The following TENM2 variants were observed in gnomAD, a reference collection of about 807,000 sequenced individuals.
TENM2 encodes teneurin-2.
In TENM2, 52 loss-of-function variants were observed where a neutral mutation model predicts 245.2. That is an observed-to-expected ratio of 0.21 (90% CI 0.17 to 0.27). The LOEUF is 0.27. Ranked by LOEUF, TENM2 falls within the 10% of genes least tolerant of loss-of-function variation. The probability of loss-of-function intolerance (pLI) is 1.00; values close to 1 mark genes in which losing one functional copy is unlikely to be tolerated. For missense variants in TENM2, 3,046 were observed against 3,666.8 expected, an observed-to-expected ratio of 0.83 and a Z score of 4.37; for synonymous variants, 1,363 against 1,438.9, an observed-to-expected ratio of 0.95 and a Z score of 1.19.
intron 7 of TENM2, among the ~76,000 whole-genome samples, chr5:168,078,343 G>A (rs1384969526): frequency 2.0e-5 from 3 of 152,156 alleles, no homozygotes; most frequent in Non-Finnish European, 1.5e-5. Context: ...TTTTTCAGAT[G>A]GGTAGACTGT....
At chr5:167,947,124 C>G (rs1464245744) in intron 3 of TENM2, among the ~76,000 whole-genome samples, 1 of 152,084 alleles carries the variant, frequency 6.6e-6, no homozygotes, top group East Asian at 1.9e-4. Context: ...CCAAATGCAG[C>G]CGCATGTTCA....
chr5:167,056,495 A>G, the TENM2 span, among the ~76,000 whole-genome samples: 1 of 146,292 alleles, frequency 6.8e-6, no homozygotes, highest in South Asian at 2.1e-4. Context: ...TTATACATAT[A>G]TATTTTAATA....
chr5:167,670,515 A>C (rs1399385208), intron 2 of TENM2, among the ~76,000 whole-genome samples: 1 of 151,160 alleles, frequency 6.6e-6, no homozygotes, highest in Non-Finnish European at 1.5e-5. Flanking sequence ...TTTTCTGTGC[A>C]CTGAAAGACC....
intron 28 of TENM2, among the ~76,000 whole-genome samples, chr5:168,260,618 T>C (rs564809749): frequency 1.3e-5 from 2 of 152,334 alleles, no homozygotes; most frequent in South Asian, 4.1e-4. Flanking sequence ...CCAACTTCGA[T>C]TATTGCCTTA....
At position 167,322,254 on chromosome 5, in the gene TENM2, T is replaced by C. The variant is rs992692174; in HGVS notation, c.226+37191T>C. 6.6e-5 allele frequency among the ~76,000 whole-genome samples: 10 copies of C among 152,262 alleles called. No homozygotes were observed. The East Asian group carries it at 1.9e-3, about 29-fold the overall frequency. On this transcript the variant is annotated intron_variant, in intron 1 of 28. Transcript: ENST00000518659. Reference sequence around the variant, plus strand: ...TGCTGTTGTTTTTTGTTTTTTGTTTTTGTTTTGTTTTGAAAGAAAAAACAT... The same window carrying C: ...TGCTGTTGTTTTTTGTTTTTTGTTTCTGTTTTGTTTTGAAAGAAAAAACAT...
At chr5:167,546,674 C>T (rs959105191) in intron 2 of TENM2, among the ~76,000 whole-genome samples, 2 of 152,068 alleles carry the variant, frequency 1.3e-5, no homozygotes, top group Non-Finnish European at 2.9e-5. Flanking sequence ...AGGTGTCCTA[C>T]GGAGAGAGGG....
At chr5:168,230,725 G>C (rs993578707) in intron 25 of TENM2, among the ~76,000 whole-genome samples, 1 of 152,086 alleles carries the variant, frequency 6.6e-6, no homozygotes, top group Non-Finnish European at 1.5e-5. Flanking sequence ...ATGTTTATTA[G>C]GTGCCAACAC....
chr5:167,092,904 T>C, the TENM2 span, among the ~76,000 whole-genome samples: 6 of 152,178 alleles, frequency 3.9e-5, no homozygotes, highest in Admixed American at 2.0e-4. Context: ...AGGGTGAAGA[T>C]GATAGGAATT....
In TENM2 at chr5:167,877,047, A is replaced by G. The variant is rs1015697275; in HGVS notation, c.712+852A>G. The stretch of plus-strand genomic sequence containing the variant: ...CGTAGGAACGGGCAATAACTAGAGT[A>G]TAAGTGTCCATGGCCCAGGGAGAGA... On this transcript the variant is annotated intron_variant, in intron 3 of 28. Coordinates refer to ENST00000518659, the Ensembl canonical transcript of TENM2. Among the ~76,000 whole-genome samples, 12 of 152,212 alleles carry G rather than the reference A, an allele frequency of 7.9e-5. No individual in the cohort carries two copies. The East Asian group carries it at 2.1e-3, about 27-fold the overall frequency.
chr5:168,158,850 T>TATATATATATATAAATATATACACAC, intron 12 of TENM2, among the ~76,000 whole-genome samples: 1 of 62,338 alleles, frequency 1.6e-5, no homozygotes, highest in South Asian at 4.5e-4. Context: ...TATATATATA[T>TATATATATATATAAATATATACACAC]ACACACACAC....
Position 168,143,843 on chromosome 5 carries a change from CT to C in TENM2, c.2422+16900del, listed in dbSNP as rs70976464. ...AACTAGAAATTTGTCTACTACACTT[CT>C]TTTTTTTTTTTTTTTTTTTTTTGAG... On this transcript the variant is annotated intron_variant, in intron 12 of 28. Transcript: ENST00000518659. Among the ~76,000 whole-genome samples the C allele has an allele frequency of 9.9e-3, 1,017 of 102,650 alleles. 1 individual carries two copies. The highest frequency in any genetic ancestry group is 0.029 in the South Asian group (92 of 3,176). The allele number at this position is 102,650 out of a possible 152,430, so 67.3% of individuals were successfully genotyped here. A position where few individuals can be genotyped will look rare whatever the true frequency, so the allele number is the denominator to read the frequency against.
At chr5:168,081,821 T>C (rs1166588041) in intron 7 of TENM2, among the ~76,000 whole-genome samples, 1 of 151,220 alleles carries the variant, frequency 6.6e-6, no homozygotes, top group Non-Finnish European at 1.5e-5. Context: ...GATGGGCTTC[T>C]CTTTGTGGGT....
intron 4 of TENM2, among the ~76,000 whole-genome samples, chr5:167,983,481 T>C (rs963096465): frequency 1.3e-5 from 2 of 152,112 alleles, no homozygotes; most frequent in Admixed American, 6.5e-5. Context: ...GAGGGCAAAA[T>C]AGAGGATTTT....
At chr5:168,183,650 C>T (rs1760127544) in intron 13 of TENM2, among the ~76,000 whole-genome samples, 2 of 152,142 alleles carry the variant, frequency 1.3e-5, no homozygotes, top group Non-Finnish European at 2.9e-5. Flanking sequence ...CTTATTGCTT[C>T]TTCCCTCCTT....
chr5:167,404,867 C>T (rs775705451), intron 2 of TENM2, among the ~76,000 whole-genome samples: 30 of 152,130 alleles, frequency 2.0e-4, no homozygotes, highest in Non-Finnish European at 3.5e-4. Flanking sequence ...GTGCAACCTT[C>T]AGCACAATCA....
At chr5:167,638,496 G>A (rs1779358634) in intron 2 of TENM2, among the ~76,000 whole-genome samples, 1 of 152,124 alleles carries the variant, frequency 6.6e-6, no homozygotes. Context: ...CTGTATTTCA[G>A]GGAACCTGTA....
At position 167,443,650 on chromosome 5, in the gene TENM2, T is replaced by C. The variant is rs575179441; in HGVS notation, c.502+68177T>C. Among the ~76,000 whole-genome samples the C allele has an allele frequency of 9.8e-5, 15 of 152,330 alleles. No individual in the cohort carries two copies. In the East Asian group the frequency reaches 2.7e-3, roughly 27 times the overall value. ...AGCTTATAATGAAATTCTAAGTTTA[T>C]AAAATATTTTTGTTTGTCCTAAAAG... On this transcript the variant is annotated intron_variant, in intron 2 of 28. Coordinates refer to ENST00000518659, the Ensembl canonical transcript of TENM2.
chr5:167,332,147 A>G (rs1757496368), intron 1 of TENM2, among the ~76,000 whole-genome samples: 1 of 152,198 alleles, frequency 6.6e-6, no homozygotes, highest in Non-Finnish European at 1.5e-5. Context: ...AAGTAGAACC[A>G]TAATTACAGG....
chr5:167,939,440 G>A lies in TENM2; in HGVS notation c.713-13148G>A, dbSNP rs532330654. ...GTTCCTGTACTGGCCTGTGTCCCAGGGGTTGGGGACCCCTGCTTTACAACA... is the reference window on the plus strand; with the variant it reads ...GTTCCTGTACTGGCCTGTGTCCCAGAGGTTGGGGACCCCTGCTTTACAACA... On this transcript the variant is annotated intron_variant, in intron 3 of 28. Transcript: ENST00000518659. Among the ~76,000 whole-genome samples, 208 of 152,248 alleles carry A rather than the reference G, an allele frequency of 1.4e-3. 1 individual carries two copies. The highest frequency in any genetic ancestry group is 3.4e-3 in the Middle Eastern group (1 of 294).
Sources: allele counts gnomAD v4.1 joint callset (sites outside exome capture counted in the v4.1 genomes callset), GRCh38; gene constraint gnomAD v4.1.1; transcripts MANE v1.5; gene names NCBI Gene and HGNC (gene_info 2026-07-23, HGNC 2026-07-21).